CCNT2: variants seen among roughly 807,000 people sequenced by gnomAD.
CCNT2 encodes cyclin T2.
CCNT2 carries 18 observed loss-of-function variants against 70.0 expected under a neutral mutation model. The ratio of observed to expected loss-of-function variants is 0.26; its 90% confidence interval spans 0.18 to 0.38. The LOEUF (loss-of-function observed/expected upper bound fraction) is 0.38, where lower values mean the gene tolerates loss of function less well. Ranked by LOEUF, CCNT2 falls within the 10% of genes least tolerant of loss-of-function variation. CCNT2 has a pLI of 1.00. For missense variants in CCNT2, 734 were observed against 890.2 expected (o/e 0.82, Z 2.23); for synonymous variants, 334 against 313.3 (o/e 1.07, Z -0.70).
chr2:134,945,754 T>C (rs1681911736), intron 5 of CCNT2: 2 of 1,294,790 alleles, frequency 1.5e-6, no homozygotes, highest in South Asian at 1.3e-5. Flanking sequence ...TCAAAATCTT[T>C]TCTTCTTCTT....
intron 4 of CCNT2, among the ~76,000 whole-genome samples, chr2:134,940,112 A>G (rs1260900257): frequency 2.6e-5 from 4 of 152,120 alleles, no homozygotes; most frequent in Non-Finnish European, 2.9e-5. Context: ...TCATTTTTTT[A>G]ATTTCATTAC....
At position 134,958,538 on chromosome 2, in the gene CCNT2, A is replaced by C. The variant is rs565720229; in HGVS notation, c.*3890A>C. On this transcript the variant is annotated 3_prime_UTR_variant, in exon 9 of 9. Coordinates refer to ENST00000264157, the MANE Select transcript of CCNT2 (RefSeq NM_058241.3). ...GATTTTTGCATTGGAAAAGCAGCAC[A>C]TTCTCTGACCTTGGGTACCAAGCTA... The C allele has an allele frequency of 6.6e-6, 1 of 152,230 alleles. No individual in the cohort carries two copies. Among genetic ancestry groups the C allele is most frequent in the Non-Finnish European group, 1.5e-5 (1 of 68,040 alleles). 9.4% of individuals were successfully genotyped at this position (152,230 alleles called of 1,614,324 possible).
At chr2:134,924,728 C>T (rs1223059895) in intron 2 of CCNT2, among the ~76,000 whole-genome samples, 1 of 152,160 alleles carries the variant, frequency 6.6e-6, no homozygotes, top group Non-Finnish European at 1.5e-5. Context: ...GGATTACAGG[C>T]GTTAGCCACC....
At chr2:134,934,080 A>G (rs1680980836) in intron 2 of CCNT2, among the ~76,000 whole-genome samples, 1 of 152,196 alleles carries the variant, frequency 6.6e-6, no homozygotes, top group South Asian at 2.1e-4. Flanking sequence ...ACAAATATCT[A>G]TTTGTCTCAT....
intron 2 of CCNT2, among the ~76,000 whole-genome samples, chr2:134,934,908 T>TA: frequency 6.6e-6 from 1 of 152,344 alleles, no homozygotes; most frequent in East Asian, 1.9e-4. Flanking sequence ...ATTCCCCTGT[T>TA]AGACATGAAT....
At chr2:134,939,958 T>A (rs966763687) in intron 4 of CCNT2, among the ~76,000 whole-genome samples, 1 of 152,190 alleles carries the variant, frequency 6.6e-6, no homozygotes, top group African/African-American at 2.4e-5. Context: ...TAGGATGTGG[T>A]AGGAAGAACA....
In CCNT2 at chr2:134,923,823, A is replaced by G. The variant is rs148289104; in HGVS notation, c.240+3932A>G. 2.5e-3 allele frequency among the ~76,000 whole-genome samples: 385 copies of G among 152,332 alleles called. 1 individual carries two copies. Among genetic ancestry groups the G allele is most frequent in the African/African-American group, 8.8e-3 (364 of 41,572 alleles). On this transcript the variant is annotated intron_variant, in intron 2 of 8. Transcript: ENST00000264157. The stretch of plus-strand genomic sequence containing the variant: ...ACCCAAGTCCTTTGCTTAATCCCAA[A>G]CTGTAGTTCTCACTTTTTCCTGTTC...
At position 134,954,658 on chromosome 2, in the gene CCNT2, T is replaced by G; in HGVS notation, c.*10T>G. The G allele has an allele frequency of 6.5e-7, 1 of 1,544,352 alleles. No homozygotes were observed. ...AGGAATGAACATGTAATAATTTGTT[T>G]AGGTCAATTTTTCCTTTACTTTTTT... On this transcript the variant is annotated 3_prime_UTR_variant, in exon 9 of 9. Transcript: ENST00000264157.
Position 134,953,868 on chromosome 2 carries a change from G to A in CCNT2, c.1413G>A (p.Gln471=). ...VEQQHKQGQS[Q]AASSSSVTSP... ...AGCAGCACAAACAAGGGCAGTCACA[G>A]GCAGCCAGCAGCAGTTCTGTTACTT... The change falls in exon 9 of 9, where the codon CAG becomes CAA. Residue 471 remains glutamine, a synonymous_variant. Transcript: ENST00000264157. 1 of 1,614,062 alleles carries A rather than the reference G, an allele frequency of 6.2e-7. No homozygotes were observed. The highest frequency in any genetic ancestry group is 8.5e-7 in the Non-Finnish European group (1 of 1,180,024).
At chr2:134,928,909 A>G (rs187476836) in intron 2 of CCNT2, among the ~76,000 whole-genome samples, 128 of 152,240 alleles carry the variant, frequency 8.4e-4, no homozygotes, top group African/African-American at 3.0e-3. Context: ...GTATTTCCAC[A>G]CCCCCACCCC....
chr2:134,950,387 T>C (rs1419866270), intron 7 of CCNT2, among the ~76,000 whole-genome samples: 3 of 152,150 alleles, frequency 2.0e-5, no homozygotes, highest in Admixed American at 1.3e-4. Flanking sequence ...ATTAAAGACA[T>C]GAAGGTGTGG....
At chr2:134,920,813 A>T (rs1261534399) in intron 2 of CCNT2, among the ~76,000 whole-genome samples, 1 of 152,208 alleles carries the variant, frequency 6.6e-6, no homozygotes, top group Non-Finnish European at 1.5e-5. Context: ...ATTTGCTAAG[A>T]AAACAATCCT....
intron 4 of CCNT2, 24 bp from the exon 5 acceptor site, chr2:134,942,588 A>G (rs750439840): frequency 7.6e-6 from 12 of 1,580,518 alleles, no homozygotes; most frequent in African/African-American, 4.1e-5. Flanking sequence ...AAGAGATTGG[A>G]AAAAAAAGTG....
In CCNT2 at chr2:134,931,262, C is replaced by CTTTTTTT. The variant is rs112471982; in HGVS notation, c.241-5560_241-5554dup. 2.4e-3 allele frequency among the ~76,000 whole-genome samples: 101 copies of CTTTTTTT among 42,388 alleles called. 6 individuals are homozygous for CTTTTTTT. Among genetic ancestry groups the CTTTTTTT allele is most frequent in the East Asian group, 0.017 (9 of 526 alleles). The allele number at this position is 42,388 out of a possible 152,430, so 27.8% of individuals were successfully genotyped here. On this transcript the variant is annotated intron_variant, in intron 2 of 8. Transcript: ENST00000264157. ...CAGGCATAAGCCACCATGCCCGGAT[C>CTTTTTTT]TTTTTTTTTTTTTTTTTTTTTTTTT...
Position 134,954,510 on chromosome 2 carries a change from G to A in CCNT2, c.2055G>A (p.Val685=). 6.2e-7 allele frequency: 1 copy of A among 1,614,102 alleles called. No homozygotes were observed. Among genetic ancestry groups the A allele is most frequent in the Non-Finnish European group, 8.5e-7 (1 of 1,180,018 alleles). Residue 685 remains valine (V), a synonymous_variant, in exon 9 of 9, where the codon GTG becomes GTA. Coordinates refer to ENST00000264157, the MANE Select transcript of CCNT2 (RefSeq NM_058241.3). ...GCTACGGACATCTCAGCACCCTCGTGAAACTGGACAAGAAGCCAGTGGAGA... is the reference window on the plus strand; with the variant it reads ...GCTACGGACATCTCAGCACCCTCGTAAAACTGGACAAGAAGCCAGTGGAGA... ...QVGYGHLSTL[V]KLDKKPVETN... is the part of the protein sequence containing the mutation.
intron 2 of CCNT2, among the ~76,000 whole-genome samples, chr2:134,925,382 T>C (rs1038049954): frequency 6.6e-6 from 1 of 152,198 alleles, no homozygotes; most frequent in African/African-American, 2.4e-5. Flanking sequence ...TGTGGGTTTT[T>C]TTAAGAATAT....
At chr2:134,921,824 G>C (rs773716856) in intron 2 of CCNT2, among the ~76,000 whole-genome samples, 12 of 152,086 alleles carry the variant, frequency 7.9e-5, no homozygotes, top group Non-Finnish European at 1.8e-4. Context: ...AAAGGCCAAG[G>C]TATTAATTTT....
intron 2 of CCNT2, among the ~76,000 whole-genome samples, chr2:134,925,471 A>G (rs1202401555): frequency 1.3e-5 from 2 of 151,628 alleles, no homozygotes; most frequent in Admixed American, 6.6e-5. Context: ...ATTTCTCCCT[A>G]TTTTTCCCCC....
At position 134,927,110 on chromosome 2, in the gene CCNT2, G is replaced by A. The variant is rs967500278; in HGVS notation, c.240+7219G>A. 2.6e-5 allele frequency among the ~76,000 whole-genome samples: 4 copies of A among 152,104 alleles called. No individual in the cohort carries two copies. In the South Asian group the frequency reaches 6.2e-4, roughly 24 times the overall value. ...TGTGGGAGAGTTCATTTATTAATAGGCATTACAAAGAATATATGATATTTT... is the reference window on the plus strand; with the variant it reads ...TGTGGGAGAGTTCATTTATTAATAGACATTACAAAGAATATATGATATTTT... On this transcript the variant is annotated intron_variant, in intron 2 of 8. Transcript: ENST00000264157.
Sources: gnomAD v4.1 joint callset for allele counts (sites outside exome capture counted in the v4.1 genomes callset) on GRCh38, gnomAD v4.1.1 for gene constraint, MANE v1.5 for transcripts, NCBI Gene and HGNC (gene_info 2026-07-23, HGNC 2026-07-21) for gene names.